ZC3H12B: variants seen among roughly 807,000 people sequenced by gnomAD.
The protein encoded by ZC3H12B is probable ribonuclease ZC3H12B.
In ZC3H12B, 7 loss-of-function variants were observed where a neutral mutation model predicts 43.9. The ratio of observed to expected loss-of-function variants is 0.16; its 90% CI spans 0.09 to 0.30. ZC3H12B has a LOEUF of 0.30. Among genes scored for constraint, ZC3H12B ranks in the 10% least tolerant of loss-of-function variants. The pLI is 1.00. For missense variants in ZC3H12B, 475 were observed against 670.2 expected (o/e 0.71, Z 3.22); for synonymous variants, 222 against 241.7 (o/e 0.92, Z 0.76).
At chrX:65,111,534 TTTA>T in the ZC3H12B span, among the ~76,000 whole-genome samples, 1 of 96,936 alleles carries the variant, frequency 1.0e-5, no homozygotes, top group African/African-American at 5.6e-5. Context: ...TATTGCAATT[TTTA>T]TTTTTTTATT....
the ZC3H12B span, among the ~76,000 whole-genome samples, chrX:65,119,442 T>C: frequency 1.8e-5 from 2 of 112,388 alleles, no homozygotes; most frequent in African/African-American, 6.5e-5. Context: ...GCTGCATAAA[T>C]GTCTTCTTTT....
At chrX:65,285,109 A>AATTATT in the ZC3H12B span, among the ~76,000 whole-genome samples, 81 of 108,693 alleles carry the variant, frequency 7.5e-4, no homozygotes, top group African/African-American at 2.4e-3. Context: ...GCAAGAGAAT[A>AATTATT]ATTATTATTA....
chrX:65,304,890 G>C, the ZC3H12B span, among the ~76,000 whole-genome samples: 2 of 111,302 alleles, frequency 1.8e-5, no homozygotes, highest in South Asian at 7.4e-4. Flanking sequence ...ATATTGTAAA[G>C]ACAAGCTATA....
At chrX:65,178,602 A>T in the ZC3H12B span, among the ~76,000 whole-genome samples, 1 of 112,763 alleles carries the variant, frequency 8.9e-6, no homozygotes, top group South Asian at 3.6e-4. Flanking sequence ...TGGGCGAAGG[A>T]TGTGAACAGA....
chrX:65,436,086 C>T (rs1013087996), intron 3 of ZC3H12B, among the ~76,000 whole-genome samples: 2 of 112,158 alleles, frequency 1.8e-5, no homozygotes, highest in African/African-American at 3.2e-5. Context: ...ACAATCATGC[C>T]AGAAGCCAGA....
chrX:65,112,717 C>T, the ZC3H12B span, among the ~76,000 whole-genome samples: 2 of 111,712 alleles, frequency 1.8e-5, no homozygotes, highest in African/African-American at 6.5e-5. Flanking sequence ...AGACCTACTG[C>T]TCAGAAGGAC....
the ZC3H12B span, among the ~76,000 whole-genome samples, chrX:65,189,580 C>T: frequency 1.9e-5 from 2 of 106,098 alleles, no homozygotes; most frequent in Non-Finnish European, 3.9e-5. Context: ...TGTTTTTTGG[C>T]TGCATAAATG....
At chrX:65,452,853 C>T (rs1253884989) in intron 3 of ZC3H12B, among the ~76,000 whole-genome samples, 5 of 96,684 alleles carry the variant, frequency 5.2e-5, no homozygotes, top group Non-Finnish European at 1.2e-4. Flanking sequence ...CACACACACA[C>T]ACACACACAC....
At chrX:65,090,560 C>A in the ZC3H12B span, among the ~76,000 whole-genome samples, 3 of 111,423 alleles carry the variant, frequency 2.7e-5, no homozygotes, top group South Asian at 1.1e-3. Flanking sequence ...TATTTTTTAA[C>A]CTAGATGGTG....
At chrX:65,125,071 C>A in the ZC3H12B span, among the ~76,000 whole-genome samples, 1 of 109,632 alleles carries the variant, frequency 9.1e-6, no homozygotes, top group South Asian at 3.8e-4. Flanking sequence ...GAGGTGTGAC[C>A]TTAGATTGTT....
chrX:65,131,848 A>G, the ZC3H12B span, among the ~76,000 whole-genome samples: 2 of 111,804 alleles, frequency 1.8e-5, no homozygotes, highest in Admixed American at 1.9e-4. Flanking sequence ...TATCCCTTGG[A>G]GAATAAATGT....
chrX:65,292,989 AT>A, the ZC3H12B span, among the ~76,000 whole-genome samples: 3 of 112,480 alleles, frequency 2.7e-5, no homozygotes, highest in Non-Finnish European at 5.6e-5. Context: ...GTCTCAAAAA[AT>A]ACAATAAAAT....
the ZC3H12B span, among the ~76,000 whole-genome samples, chrX:65,153,202 G>A: frequency 4.5e-5 from 5 of 111,898 alleles, no homozygotes; most frequent in East Asian, 2.8e-4. Context: ...AACACCAAAA[G>A]CAATGGCAAC....
the ZC3H12B span, among the ~76,000 whole-genome samples, chrX:65,223,088 T>G: frequency 8.9e-6 from 1 of 111,825 alleles, no homozygotes; most frequent in South Asian, 3.7e-4. Context: ...GCCAAATACT[T>G]ACAGCCAACT....
the ZC3H12B span, among the ~76,000 whole-genome samples, chrX:65,152,517 C>T: frequency 9.0e-6 from 1 of 110,983 alleles, no homozygotes; most frequent in Non-Finnish European, 1.9e-5. Context: ...TCTAGGAATC[C>T]AACTTACAAG....
chrX:65,366,181 C>G (rs1052781178), upstream of ZC3H12B, among the ~76,000 whole-genome samples: 1 of 107,828 alleles, frequency 9.3e-6, no homozygotes, highest in Non-Finnish European at 1.9e-5. Flanking sequence ...AAAAAAAAAG[C>G]CCAAGCAGAA....
the ZC3H12B span, among the ~76,000 whole-genome samples, chrX:65,163,438 T>C: frequency 9.0e-6 from 1 of 111,566 alleles, no homozygotes; most frequent in Non-Finnish European, 1.9e-5. Context: ...TCGAGCTTCC[T>C]GGCTGCTTTG....
At chrX:65,394,317 A>G (rs1444667690) in intron 2 of ZC3H12B, among the ~76,000 whole-genome samples, 2 of 112,101 alleles carry the variant, frequency 1.8e-5, no homozygotes, top group Admixed American at 9.5e-5. Flanking sequence ...CTTTCTTCTA[A>G]GGTTTTTATG....
At chrX:65,328,150 A>C in the ZC3H12B span, 153 of 217,567 alleles carry the variant, frequency 7.0e-4, no homozygotes, top group African/African-American at 2.9e-3. Flanking sequence ...ACATTGCTCC[A>C]ATTTATACAA....
Sources: gnomAD v4.1 joint callset for allele counts (sites outside exome capture counted in the v4.1 genomes callset) on GRCh38, gnomAD v4.1.1 for gene constraint, MANE v1.5 for transcripts, NCBI Gene and HGNC (gene_info 2026-07-23, HGNC 2026-07-21) for gene names.